RNF138: variants seen among roughly 807,000 people sequenced by gnomAD.
The protein encoded by RNF138 is ring finger protein 138.
RNF138 carries 12 observed loss-of-function variants against 31.0 expected under a neutral mutation model. The ratio of observed to expected loss-of-function variants is 0.39; its 90% confidence interval spans 0.25 to 0.63. The LOEUF is 0.63. RNF138 is among the 20% of genes least tolerant of loss of function. The pLI, the probability that RNF138 is intolerant of heterozygous loss-of-function variation, is 0.52. For synonymous variants in RNF138, 105 were observed against 99.5 expected, an observed-to-expected ratio of 1.06 and a Z score of -0.33; for missense variants, 192 against 300.1, an observed-to-expected ratio of 0.64 and a Z score of 2.66.
chr18:32,101,774 T>A (rs897473808), intron 2 of RNF138, among the ~76,000 whole-genome samples: 1 of 152,208 alleles, frequency 6.6e-6, no homozygotes, highest in Non-Finnish European at 1.5e-5. Flanking sequence ...TTTGTTTTTT[T>A]AAGCATTTTT....
At chr18:32,126,614 G>C (rs2040388242) in intron 6 of RNF138, 79 bp from the exon 7 acceptor site, 1 of 864,958 alleles carries the variant, frequency 1.2e-6, no homozygotes, top group Admixed American at 2.2e-5. Context: ...ACATATCCCT[G>C]TGTTATTTTA....
chr18:32,121,450 G>A (rs2040304366), intron 4 of RNF138, among the ~76,000 whole-genome samples: 2 of 152,136 alleles, frequency 1.3e-5, no homozygotes, highest in South Asian at 2.1e-4. Context: ...AGCCGCGGTC[G>A]CGCCACTGCA....
intron 2 of RNF138, among the ~76,000 whole-genome samples, chr18:32,110,098 G>A (rs916117386): frequency 6.6e-6 from 1 of 151,894 alleles, no homozygotes; most frequent in Non-Finnish European, 1.5e-5. Context: ...GTGATCCTTC[G>A]CCTCAGCCTC....
intron 2 of RNF138, among the ~76,000 whole-genome samples, chr18:32,093,625 G>A (rs1226465605): frequency 2.0e-5 from 3 of 152,200 alleles, no homozygotes; most frequent in Admixed American, 2.0e-4. Flanking sequence ...GTGGAGAGGA[G>A]AAAGGAAGAC....
At chr18:32,113,947 A>G in intron 4 of RNF138, 87 bp downstream of exon 4, 1 of 688,920 alleles carries the variant, frequency 1.5e-6, no homozygotes, top group South Asian at 1.8e-5. Flanking sequence ...ATTTGGGGGG[A>G]TGTGTGTGTG....
At chr18:32,128,589 T>C (rs911724705) in intron 7 of RNF138, among the ~76,000 whole-genome samples, 1 of 152,232 alleles carries the variant, frequency 6.6e-6, no homozygotes, top group African/African-American at 2.4e-5. Context: ...TTTCTTAAAA[T>C]CAGTTTACTG....
intron 2 of RNF138, among the ~76,000 whole-genome samples, chr18:32,095,691 A>G (rs1261347503): frequency 6.6e-6 from 1 of 152,222 alleles, no homozygotes; most frequent in Non-Finnish European, 1.5e-5. Context: ...ACTACTGACT[A>G]TCCTAGTAAA....
At chr18:32,100,741 G>T (rs1425014558) in intron 2 of RNF138, among the ~76,000 whole-genome samples, 1 of 152,078 alleles carries the variant, frequency 6.6e-6, no homozygotes, top group Non-Finnish European at 1.5e-5. Context: ...CTACCAAAGT[G>T]TTGGGATTAC....
At chr18:32,112,680 C>CTTT (rs2040151842) in intron 3 of RNF138, among the ~76,000 whole-genome samples, 1 of 151,172 alleles carries the variant, frequency 6.6e-6, no homozygotes. Context: ...GAAACGCTGT[C>CTTT]TAAAAAAAAA....
At chr18:32,110,226 C>T (rs1418362180) in intron 2 of RNF138, among the ~76,000 whole-genome samples, 1 of 152,180 alleles carries the variant, frequency 6.6e-6, no homozygotes, top group African/African-American at 2.4e-5. Context: ...CTCCTTGCCT[C>T]AAGCTGTCCT....
At position 32,130,543 on chromosome 18, in the gene RNF138, T is replaced by TTTC. The variant is rs1234532047; in HGVS notation, c.*1359_*1361dup. 1 of 152,468 alleles carries TTTC rather than the reference T, an allele frequency of 6.6e-6. No homozygotes were observed. The highest frequency in any genetic ancestry group is 1.5e-5 in the Non-Finnish European group (1 of 67,882). The allele number at this position is 152,468 out of a possible 1,614,324, so 9.4% of individuals were successfully genotyped here. ...CCATACTAATATACATTGTTTATGC[T>TTTC]TTCTTTAAAATAACTAGAAGAACAT... On this transcript the variant is annotated 3_prime_UTR_variant, in exon 8 of 8. Transcript: ENST00000261593.
At chr18:32,100,375 C>A (rs1439278281) in intron 2 of RNF138, among the ~76,000 whole-genome samples, 3 of 151,592 alleles carry the variant, frequency 2.0e-5, no homozygotes, top group Non-Finnish European at 4.4e-5. Flanking sequence ...TCATGGCTCA[C>A]TGCAGCCTTG....
intron 4 of RNF138, among the ~76,000 whole-genome samples, chr18:32,120,647 A>C (rs1450425384): frequency 6.6e-6 from 1 of 152,222 alleles, no homozygotes; most frequent in Non-Finnish European, 1.5e-5. Flanking sequence ...GCATGATACA[A>C]GGATGACTAG....
intron 2 of RNF138, among the ~76,000 whole-genome samples, chr18:32,108,715 T>C (rs2040076626): frequency 6.6e-6 from 1 of 152,166 alleles, no homozygotes; most frequent in Non-Finnish European, 1.5e-5. Context: ...CTTGCTCAGG[T>C]AGAAGGGTAA....
intron 2 of RNF138, among the ~76,000 whole-genome samples, chr18:32,099,775 GT>G (rs2039885999): frequency 6.6e-6 from 1 of 152,212 alleles, no homozygotes; most frequent in Admixed American, 6.5e-5. Flanking sequence ...ACCAATGTCA[GT>G]TTCACTGGTT....
chr18:32,126,968 G>A (rs1041481418), intron 7 of RNF138, among the ~76,000 whole-genome samples, 168 bp downstream of exon 7: 4 of 152,052 alleles, frequency 2.6e-5, no homozygotes, highest in Non-Finnish European at 4.4e-5. Flanking sequence ...TTGTAGAAAT[G>A]GTAAGGTAAA....
intron 3 of RNF138, 68 bp downstream of exon 3, chr18:32,111,987 T>C (rs2040139990): frequency 7.1e-7 from 1 of 1,405,138 alleles, no homozygotes; most frequent in Non-Finnish European, 9.5e-7. Flanking sequence ...TATTTGAATT[T>C]TCTTGGTTGG....
In RNF138 at chr18:32,113,844, G is replaced by C. The variant is rs780062639; in HGVS notation, c.376G>C (p.Asp126His). ...SIIPNFQISQDSVGNSNRSET... is the reference protein window; with the variant it reads ...SIIPNFQISQHSVGNSNRSET... Reference sequence around the variant, plus strand: ...CATTCCAAACTTTCAGATCTCTCAAGATTCAGTAGGGAACAGGTAAGCAAT... The same window carrying C: ...CATTCCAAACTTTCAGATCTCTCAACATTCAGTAGGGAACAGGTAAGCAAT... Residue 126 changes from aspartate to histidine, a missense_variant, in exon 4 of 8, where the codon GAT becomes CAT. Coordinates refer to ENST00000261593, the MANE Select transcript of RNF138 (RefSeq NM_016271.5). 35 of 1,487,206 alleles carry C rather than the reference G, an allele frequency of 2.4e-5. No individual in the cohort carries two copies. Among genetic ancestry groups the C allele is most frequent in the Non-Finnish European group, 3.1e-5 (34 of 1,090,730 alleles). 92.1% of individuals were successfully genotyped at this position (1,487,206 alleles called of 1,614,324 possible).
intron 4 of RNF138, 142 bp downstream of exon 4, chr18:32,114,002 A>G (rs2040175890): frequency 2.0e-6 from 1 of 494,350 alleles, no homozygotes; most frequent in African/African-American, 2.0e-5. Flanking sequence ...AAGTATCAGA[A>G]CTACAGCATT....
Sources: allele counts gnomAD v4.1 joint callset (sites outside exome capture counted in the v4.1 genomes callset), GRCh38; gene constraint gnomAD v4.1.1; transcripts MANE v1.5; gene names NCBI Gene and HGNC (gene_info 2026-07-23, HGNC 2026-07-21).